Variants in MRM1 observed in about 807,000 individuals in gnomAD.
MRM1 encodes the protein rRNA methyltransferase 1, mitochondrial.
In MRM1, 24 loss-of-function variants were observed where a neutral mutation model predicts 25.0. The ratio of observed to expected loss-of-function variants is 0.96; its 90% CI spans 0.69 to 1.35. MRM1 has a LOEUF of 1.35. Ranked by LOEUF, MRM1 falls within the 40% of genes most tolerant of loss-of-function variation. The pLI is 0.00. For missense variants in MRM1, 431 were observed against 464.1 expected, an observed-to-expected ratio of 0.93 and a Z score of 0.65; for synonymous variants, 188 against 199.2, an observed-to-expected ratio of 0.94 and a Z score of 0.47.
intron 2 of MRM1, among the ~76,000 whole-genome samples, 187 bp from the exon 3 acceptor site, chr17:36,607,483 T>C (rs1032935585): frequency 1.0e-4 from 15 of 147,120 alleles, no homozygotes; most frequent in Non-Finnish European, 1.9e-4. Flanking sequence ...ACTAGCCGGG[T>C]GGGGTGGCGA....
At chr17:36,607,619 T>G (rs2074941311) in intron 2 of MRM1, 51 bp from the exon 3 acceptor site, 1 of 1,566,604 alleles carries the variant, frequency 6.4e-7, no homozygotes, top group South Asian at 1.2e-5. Flanking sequence ...AGACCCTATC[T>G]CAAAATTAAA....
chr17:36,602,373 C>T lies in MRM1; in HGVS notation c.542+21C>T, dbSNP rs1567845767. On this transcript the variant is annotated intron_variant, in intron 1 of 4. Coordinates refer to ENST00000614766, the MANE Select transcript of MRM1 (RefSeq NM_024864.5). The surrounding 1 kb of genome is among the most constrained non-coding windows in gnomAD (Gnocchi z 4.1). ...AACAGGCACGGACGTCCCTCATTCT[C>T]TATGTGCCCCAACTTGGAGACGCAG... 2 of 1,551,350 alleles carry T rather than the reference C, an allele frequency of 1.3e-6. No individual in the cohort carries two copies. The highest frequency in any genetic ancestry group is 1.7e-6 in the Non-Finnish European group (2 of 1,146,412).
In MRM1 at chr17:36,602,315, C is replaced by A; in HGVS notation, c.505C>A (p.Leu169Ile). Residue 169 changes from leucine (L) to isoleucine (I), a missense_variant, in exon 1 of 5, where the codon CTC (leucine) becomes ATC (isoleucine). Physicochemically the swap from Leu to Ile is conservative, Grantham distance 5. Transcript: ENST00000614766. The surrounding 1 kb of genome is among the most constrained non-coding windows in gnomAD (Gnocchi z 4.1). ...GGCTGTGCTGCGTTCCGCACACTTC[C>A]TCGGAGTGGATAAGGTCATCACCAG... The part of the protein sequence containing the change: ...FGAVLRSAHF[L>I]GVDKVITSRR... The A allele has an allele frequency of 1.3e-6, 2 of 1,584,624 alleles. No homozygotes were observed. Among genetic ancestry groups the A allele is most frequent in the Non-Finnish European group, 1.7e-6 (2 of 1,160,870 alleles).
chr17:36,616,869 G>A, the MRM1 span, among the ~76,000 whole-genome samples: 2 of 151,908 alleles, frequency 1.3e-5, no homozygotes, highest in Admixed American at 1.3e-4. Flanking sequence ...AGCCTCCTTA[G>A]CCACTATGCC....
the MRM1 span, among the ~76,000 whole-genome samples, chr17:36,622,177 A>G: frequency 6.6e-6 from 1 of 152,078 alleles, no homozygotes; most frequent in Non-Finnish European, 1.5e-5. Context: ...TGAAAAGGGC[A>G]CAGGCTTCCC....
downstream of MRM1, among the ~76,000 whole-genome samples, chr17:36,613,400 A>G (rs2074988668): frequency 6.6e-6 from 1 of 152,172 alleles, no homozygotes; most frequent in African/African-American, 2.4e-5. Flanking sequence ...CTAATCCCTG[A>G]TTAATGGTGT....
chr17:36,616,726 G>GT, the MRM1 span, among the ~76,000 whole-genome samples: 1 of 152,042 alleles, frequency 6.6e-6, no homozygotes, highest in African/African-American at 2.4e-5. Flanking sequence ...CATACTTTTT[G>GT]TTTGTTTGTT....
rs947009409 is a variant in MRM1, at chr17:36,601,586, C to A, written c.-225C>A. The A allele has an allele frequency of 2.2e-6, 1 of 462,340 alleles. No individual in the cohort carries two copies. The highest frequency in any genetic ancestry group is 3.7e-6 in the Non-Finnish European group (1 of 266,694). The allele number at this position is 462,340 out of a possible 1,614,324, so 28.6% of individuals were successfully genotyped here. The stretch of plus-strand genomic sequence containing the variant: ...GGCCGGGGAGGGGCGGGCTCCCGAA[C>A]CCGGAAGCGAGGGACCCACGTGGGA... On this transcript the variant is annotated 5_prime_UTR_variant, in exon 1 of 5. Coordinates refer to ENST00000614766, the MANE Select transcript of MRM1 (RefSeq NM_024864.5).
downstream of MRM1, among the ~76,000 whole-genome samples, chr17:36,611,379 C>T (rs2074975953): frequency 6.6e-6 from 1 of 152,158 alleles, no homozygotes. Context: ...ACTACCAGCC[C>T]TATCTACCCC....
At chr17:36,622,720 G>A in the MRM1 span, among the ~76,000 whole-genome samples, 1 of 152,226 alleles carries the variant, frequency 6.6e-6, no homozygotes, top group Non-Finnish European at 1.5e-5. Context: ...TGAGTCTGGA[G>A]AGAGCGGACT....
At position 36,601,989 on chromosome 17, in the gene MRM1, TG is replaced by T. The variant is rs778340066; in HGVS notation, c.181del (p.Ala61LeufsTer63). 1.9e-6 allele frequency: 3 copies of T among 1,611,522 alleles called. No homozygotes were observed. In the South Asian group the frequency reaches 3.3e-5, roughly 18 times the overall value. ...ELLFGMTPCL[L>X]ALQAARRSVA... ...CTGTTTGGCATGACCCCGTGTCTCCTGGCTCTGCAGGCCGCCCGCCGCTCTG... is the reference window on the plus strand; with the variant it reads ...CTGTTTGGCATGACCCCGTGTCTCCTGCTCTGCAGGCCGCCCGCCGCTCTG... On this transcript the variant is annotated frameshift_variant, in exon 1 of 5. Transcript: ENST00000614766. LOFTEE classifies it high-confidence loss of function.
chr17:36,620,207 A>C, the MRM1 span, among the ~76,000 whole-genome samples: 1 of 133,530 alleles, frequency 7.5e-6, no homozygotes, highest in South Asian at 2.3e-4. Flanking sequence ...ATGTAATCCT[A>C]TTTTTCTACT....
At chr17:36,610,303 G>A (rs138695147), downstream of MRM1, among the ~76,000 whole-genome samples, 556 of 151,432 alleles carry the variant, frequency 3.7e-3, 10 homozygotes, top group African/African-American at 0.012. Context: ...CGCGATCTCG[G>A]CTCACTGAAA....
chr17:36,611,029 G>A (rs1302775199), downstream of MRM1, among the ~76,000 whole-genome samples: 1 of 152,102 alleles, frequency 6.6e-6, no homozygotes, highest in Non-Finnish European at 1.5e-5. Flanking sequence ...GGCCAGGCTG[G>A]TCTCAAATTC....
the MRM1 span, among the ~76,000 whole-genome samples, chr17:36,616,722 TTTTGTTTG>T: frequency 3.9e-5 from 6 of 152,038 alleles, no homozygotes; most frequent in Non-Finnish European, 8.8e-5. Context: ...TTACCATACT[TTTTGTTTG>T]TTTGTTTGTT....
At chr17:36,614,785 A>G in the MRM1 span, among the ~76,000 whole-genome samples, 3 of 152,218 alleles carry the variant, frequency 2.0e-5, no homozygotes, top group Non-Finnish European at 4.4e-5. Flanking sequence ...TAGTTATTTT[A>G]TGGGCAAATA....
intron 2 of MRM1, among the ~76,000 whole-genome samples, chr17:36,606,631 T>C (rs569009056): frequency 6.8e-6 from 1 of 146,712 alleles, no homozygotes; most frequent in Admixed American, 6.9e-5. Flanking sequence ...TGAGACAGAG[T>C]GGAGTCTCGC....
chr17:36,613,868 C>T (rs1051774629), downstream of MRM1, among the ~76,000 whole-genome samples: 1 of 152,026 alleles, frequency 6.6e-6, no homozygotes, highest in Admixed American at 6.6e-5. Context: ...CAGACAGTGC[C>T]GGCTCCACAT....
In MRM1 at chr17:36,601,634, C is replaced by T; in HGVS notation, c.-177C>T. ...GGAGCCTGGGAGCGGGTGGTCGTAG[C>T]TCGGTAGTCCAGTTGTGGGTAATCG... On this transcript the variant is annotated 5_prime_UTR_variant, in exon 1 of 5. Coordinates refer to ENST00000614766, the MANE Select transcript of MRM1 (RefSeq NM_024864.5). The T allele has an allele frequency of 1.6e-6, 1 of 628,808 alleles. No homozygotes were observed. The highest frequency in any genetic ancestry group is 2.5e-6 in the Non-Finnish European group (1 of 404,004). 39.0% of individuals were successfully genotyped at this position (628,808 alleles called of 1,614,324 possible).
Sources: gnomAD v4.1 joint callset for allele counts (sites outside exome capture counted in the v4.1 genomes callset) on GRCh38, gnomAD v4.1.1 for gene constraint, Gnocchi (gnomAD v3.1) non-coding constraint, MANE v1.5 for transcripts, NCBI Gene and HGNC (gene_info 2026-07-23, HGNC 2026-07-21) for gene names.